Variants in RETREG1 observed in about 807,000 individuals in gnomAD.
RETREG1 encodes the protein family with sequence similarity 134 member B.
Under a neutral mutation model 54.8 loss-of-function variants are expected in RETREG1, and 44 were observed. The observed-to-expected ratio is 0.80, with a 90% confidence interval of 0.63 to 1.03. The LOEUF is 1.03. Among genes scored for constraint, RETREG1 ranks in the 50% least tolerant of loss-of-function variants. RETREG1 has a pLI of 0.00. For missense variants in RETREG1, 554 were observed against 605.1 expected (o/e 0.92, Z 0.89); for synonymous variants, 217 against 238.5 (o/e 0.91, Z 0.83).
At chr5:16,613,097 A>T (rs547439187) in intron 1 of RETREG1, among the ~76,000 whole-genome samples, 1 of 150,276 alleles carries the variant, frequency 6.7e-6, no homozygotes, top group South Asian at 2.1e-4. Flanking sequence ...TCTACAAAGT[A>T]TTTTTTTTTT....
intron 3 of RETREG1, among the ~76,000 whole-genome samples, chr5:16,514,561 G>A (rs936770872): frequency 5.3e-5 from 8 of 151,664 alleles, no homozygotes; most frequent in Non-Finnish European, 8.8e-5. Context: ...TAGTTTTTAG[G>A]GAACAAGTGG....
At chr5:16,608,478 T>A (rs1743256446) in intron 1 of RETREG1, among the ~76,000 whole-genome samples, 1 of 152,296 alleles carries the variant, frequency 6.6e-6, no homozygotes, top group East Asian at 1.9e-4. Flanking sequence ...GCTTATACAA[T>A]AAATCTCACA....
intron 3 of RETREG1, among the ~76,000 whole-genome samples, chr5:16,525,429 T>C (rs1740685276): frequency 6.6e-6 from 1 of 152,054 alleles, no homozygotes; most frequent in African/African-American, 2.4e-5. Flanking sequence ...TGTGAGGAGA[T>C]GGACAGGGAG....
At chr5:16,479,062 ATAC>A in intron 5 of RETREG1, 75 bp from the exon 6 acceptor site, 1 of 1,409,746 alleles carries the variant, frequency 7.1e-7, no homozygotes, top group Non-Finnish European at 9.9e-7. Context: ...ATTTCACAAA[ATAC>A]TACATTTCTT....
At chr5:16,509,020 C>T (rs1740081924) in intron 3 of RETREG1, 1 of 998,322 alleles carries the variant, frequency 1.0e-6, no homozygotes. Flanking sequence ...GGCCCGCCTG[C>T]CCTTTTTCTT....
At position 16,616,650 on chromosome 5, in the gene RETREG1, ACCAGAAC is replaced by A; in HGVS notation, c.315_320+1del. 3 of 1,592,166 alleles carry A rather than the reference ACCAGAAC, an allele frequency of 1.9e-6. No individual in the cohort carries two copies. Among genetic ancestry groups the A allele is most frequent in the Non-Finnish European group, 2.6e-6 (3 of 1,175,404 alleles). ...GCGCCCCCACCTTGCCCAAGCTCTC[ACCAGAAC>A]AGCAGGTTGGCAGCGACGAAGCCGA... is the stretch of plus-strand genomic sequence containing the variant. On this transcript the variant is annotated splice_donor_variant and coding_sequence_variant, in exon 1 of 9. Transcript: ENST00000306320. LOFTEE classifies it high-confidence loss of function.
intron 1 of RETREG1, 158 bp downstream of exon 1, chr5:16,616,494 T>A: frequency 7.8e-7 from 1 of 1,284,710 alleles, no homozygotes; most frequent in Non-Finnish European, 1.0e-6. Context: ...GCGGTGAGTG[T>A]CTACCTGTTC....
chr5:16,542,172 A>G (rs185686415), intron 3 of RETREG1, among the ~76,000 whole-genome samples: 305 of 152,082 alleles, frequency 2.0e-3, no homozygotes, highest in African/African-American at 7.2e-3. Context: ...ACACCCACTC[A>G]CCCTCCTCAT....
Position 16,593,302 on chromosome 5 carries a change from C to T in RETREG1, c.321-21200G>A, listed in dbSNP as rs992988688. 5.9e-5 allele frequency among the ~76,000 whole-genome samples: 9 copies of T among 152,182 alleles called. No individual in the cohort carries two copies. Among genetic ancestry groups the T allele is most frequent in the Admixed American group, 5.9e-4 (9 of 15,282 alleles). ...GCTGGTTTGCTTGGCCATTTGTTTC[C>T]CATCTGTCTGTCCTTCCCTACCCCA... On this transcript the variant is annotated intron_variant, in intron 1 of 8. Coordinates refer to ENST00000306320, the MANE Select transcript of RETREG1 (RefSeq NM_001034850.3). The surrounding 1 kb of genome is among the most constrained non-coding windows in gnomAD (Gnocchi z 4.9).
At chr5:16,563,664 C>T (rs1269575953) in intron 3 of RETREG1, among the ~76,000 whole-genome samples, 3 of 151,988 alleles carry the variant, frequency 2.0e-5, no homozygotes, top group Non-Finnish European at 4.4e-5. Context: ...CTAAATTAAC[C>T]AATTAATTTA....
intron 3 of RETREG1, among the ~76,000 whole-genome samples, chr5:16,560,633 G>T (rs1033766849): frequency 6.6e-6 from 1 of 152,176 alleles, no homozygotes; most frequent in Non-Finnish European, 1.5e-5. Flanking sequence ...TGAGGGGGAG[G>T]TTTCTGAGCT....
At chr5:16,582,134 A>G (rs1264294763) in intron 1 of RETREG1, among the ~76,000 whole-genome samples, 1 of 152,254 alleles carries the variant, frequency 6.6e-6, no homozygotes, top group Non-Finnish European at 1.5e-5. Flanking sequence ...CATAAAGTCT[A>G]TGTGTATAAT....
intron 3 of RETREG1, among the ~76,000 whole-genome samples, chr5:16,497,175 CT>C (rs1177985388): frequency 6.6e-6 from 1 of 152,168 alleles, no homozygotes; most frequent in Admixed American, 6.5e-5. Context: ...CCTCACAACA[CT>C]CTGACGAGGT....
chr5:16,514,746 T>C (rs1740291021), intron 3 of RETREG1, among the ~76,000 whole-genome samples: 1 of 151,796 alleles, frequency 6.6e-6, no homozygotes. Context: ...TGCGTCCTCA[T>C]AGCTTAGCTC....
At chr5:16,554,484 T>C (rs1040374212) in intron 3 of RETREG1, among the ~76,000 whole-genome samples, 5 of 152,186 alleles carry the variant, frequency 3.3e-5, no homozygotes, top group Admixed American at 2.0e-4. Context: ...GGGCACACCC[T>C]CTTTTTCATT....
At position 16,596,900 on chromosome 5, in the gene RETREG1, G is replaced by A. The variant is rs994869684; in HGVS notation, c.320+19752C>T. The stretch of plus-strand genomic sequence containing the variant: ...ATGTTGGGCCTTGGAAGTACAAAAG[G>A]CAAAAAGAAATGCTTTAAGCTTGCC... On this transcript the variant is annotated intron_variant, in intron 1 of 8. Transcript: ENST00000306320. 2.0e-5 allele frequency among the ~76,000 whole-genome samples: 3 copies of A among 152,120 alleles called. No individual in the cohort carries two copies. In the East Asian group the frequency reaches 5.8e-4, roughly 29 times the overall value.
At chr5:16,479,570 C>T (rs559495531) in intron 5 of RETREG1, among the ~76,000 whole-genome samples, 1 of 152,198 alleles carries the variant, frequency 6.6e-6, no homozygotes, top group South Asian at 2.1e-4. Context: ...TTCCCCAGTC[C>T]TCTTCTCCTT....
chr5:16,600,673 C>T (rs557333822), intron 1 of RETREG1, among the ~76,000 whole-genome samples: 13 of 152,186 alleles, frequency 8.5e-5, no homozygotes, highest in African/African-American at 3.1e-4. Context: ...CAGCACACTG[C>T]GCTCAGCCTT....
rs753733941 is a variant in RETREG1, at chr5:16,477,799, A to G, written c.874-11T>C. On this transcript the variant is annotated splice_polypyrimidine_tract_variant and intron_variant, in intron 7 of 8. Coordinates refer to ENST00000306320, the MANE Select transcript of RETREG1 (RefSeq NM_001034850.3). The stretch of plus-strand genomic sequence containing the variant: ...AACCGTGAGGCTAATCTGTGTTAAT[A>G]TAAATAAATACCAGCGGCACATTTT... 8.7e-6 allele frequency: 14 copies of G among 1,613,304 alleles called. No individual in the cohort carries two copies. The highest frequency in any genetic ancestry group is 1.0e-5 in the Non-Finnish European group (12 of 1,179,456).
Sources: gnomAD v4.1 joint callset for allele counts (sites outside exome capture counted in the v4.1 genomes callset) on GRCh38, gnomAD v4.1.1 for gene constraint, Gnocchi (gnomAD v3.1) non-coding constraint, MANE v1.5 for transcripts, NCBI Gene and HGNC (gene_info 2026-07-23, HGNC 2026-07-21) for gene names.